Variants in ABLIM2 observed in about 807,000 individuals in gnomAD.
ABLIM2 encodes the protein actin binding LIM protein family member 2, also known as actin-binding LIM protein 2.
ABLIM2 carries 53 observed loss-of-function variants against 97.7 expected under a neutral mutation model. The observed-to-expected ratio is 0.54, with a 90% CI of 0.44 to 0.68. The LOEUF is 0.68. Among genes scored for constraint, ABLIM2 ranks in the 30% least tolerant of loss-of-function variants. The pLI, the probability that ABLIM2 is intolerant of heterozygous loss-of-function variation, is 0.00. For synonymous variants in ABLIM2, 361 were observed against 345.8 expected (o/e 1.04, Z -0.49); for missense variants, 835 against 867.2 (o/e 0.96, Z 0.47).
chr4:7,997,685 C>CCTG (rs1754258747), intron 16 of ABLIM2, among the ~76,000 whole-genome samples: 3 of 152,108 alleles, frequency 2.0e-5, no homozygotes. Flanking sequence ...GCCCGGGTCT[C>CCTG]CTGCTGCTGC....
In ABLIM2 at chr4:7,992,807, C is replaced by A; in HGVS notation, c.1680+59G>T. 6.4e-7 allele frequency: 1 copy of A among 1,564,406 alleles called. No individual in the cohort carries two copies. Among genetic ancestry groups the A allele is most frequent in the Non-Finnish European group, 8.7e-7 (1 of 1,143,782 alleles). ...TGTGTGGTCAAGAAGCTGTGGGAAA[C>A]GTGCTCAGCCTCACAGCAATCGTTA... On this transcript the variant is annotated intron_variant, in intron 17 of 20. Coordinates refer to ENST00000447017, the MANE Select transcript of ABLIM2 (RefSeq NM_001130083.2). The surrounding 1 kb of genome is among the most constrained non-coding windows in gnomAD (Gnocchi z 5.7).
In ABLIM2 at chr4:8,058,452, C is replaced by T. The variant is rs1800767744; in HGVS notation, c.763+2515G>A. 6.6e-6 allele frequency among the ~76,000 whole-genome samples: 1 copy of T among 152,252 alleles called. No homozygotes were observed. Among genetic ancestry groups the T allele is most frequent in the African/African-American group, 2.4e-5 (1 of 41,470 alleles). ...CCCGCAGGCACCTGCACGGCAGACG[C>T]TCTGACAGCAGCTCTCCCAGACCTG... is the stretch of plus-strand genomic sequence containing the variant. On this transcript the variant is annotated intron_variant, in intron 7 of 20. Transcript: ENST00000447017. This position sits in a 1 kb window ranked among gnomAD's most constrained non-coding sequence, Gnocchi z 4.2.
intron 1 of ABLIM2, among the ~76,000 whole-genome samples, chr4:8,152,116 C>T (rs951912378): frequency 6.6e-6 from 1 of 152,122 alleles, no homozygotes; most frequent in Non-Finnish European, 1.5e-5. Context: ...AGACCCTCAC[C>T]AAGAAGCGCC....
At chr4:7,987,862 C>T (rs1745641240) in intron 17 of ABLIM2, among the ~76,000 whole-genome samples, 1 of 152,148 alleles carries the variant, frequency 6.6e-6, no homozygotes, top group Non-Finnish European at 1.5e-5. Flanking sequence ...TCTTCAGTTA[C>T]TGCCTTTATG....
chr4:7,966,861 A>ACCCCCCCCCC lies in ABLIM2; in HGVS notation c.*128_*129insGGGGGGGGGG. 4.4e-6 allele frequency: 1 copy of ACCCCCCCCCC among 227,854 alleles called. No individual in the cohort carries two copies. Among genetic ancestry groups the ACCCCCCCCCC allele is most frequent in the Non-Finnish European group, 8.8e-6 (1 of 113,218 alleles). 14.1% of individuals were successfully genotyped at this position (227,854 alleles called of 1,614,324 possible). ...GTGCAGGGGCCGCACCTGCTGGGGG[A>ACCCCCCCCCC]CCCCCTCCCGCCCACCCCATGGACA... On this transcript the variant is annotated 3_prime_UTR_variant, in exon 21 of 21. Transcript: ENST00000447017.
In ABLIM2 at chr4:8,020,134, G is replaced by A; in HGVS notation, c.1369+68C>T. ...CTGAGTCAAGGCAAGCTGACAGTTT[G>A]GGTGTGGCCAGTTTCGGTGTGGACA... On this transcript the variant is annotated intron_variant, in intron 13 of 20. Transcript: ENST00000447017. 2.8e-6 allele frequency: 4 copies of A among 1,431,862 alleles called. No individual in the cohort carries two copies. In the South Asian group the frequency reaches 5.3e-5, roughly 19 times the overall value. The allele number at this position is 1,431,862 out of a possible 1,614,324, so 88.7% of individuals were successfully genotyped here. A position where few individuals can be genotyped will look rare whatever the true frequency, so the allele number is the denominator to read the frequency against.
chr4:8,016,539 G>A (rs1769366046), intron 14 of ABLIM2, among the ~76,000 whole-genome samples: 1 of 152,202 alleles, frequency 6.6e-6, no homozygotes, highest in Non-Finnish European at 1.5e-5. Flanking sequence ...CGATGTAGCT[G>A]GAAGCCAGGG....
In ABLIM2 at chr4:8,113,913, C is replaced by T. The variant is rs1054065109; in HGVS notation, c.11-7276G>A. ...GAGCAGAGCAATACAGAGAGGGGCA[C>T]AGGGCTGTGTGCAGGCACAGCAGGG... On this transcript the variant is annotated intron_variant, in intron 1 of 20. Coordinates refer to ENST00000447017, the MANE Select transcript of ABLIM2 (RefSeq NM_001130083.2). The surrounding 1 kb of genome is among the most constrained non-coding windows in gnomAD (Gnocchi z 4.5). Among the ~76,000 whole-genome samples, 3 of 152,204 alleles carry T rather than the reference C, an allele frequency of 2.0e-5. No individual in the cohort carries two copies. The highest frequency in any genetic ancestry group is 2.0e-4 in the Admixed American group (3 of 15,280).
At chr4:8,099,287 C>CAGTA (rs1008516381) in intron 2 of ABLIM2, among the ~76,000 whole-genome samples, 7 of 152,258 alleles carry the variant, frequency 4.6e-5, no homozygotes, top group African/African-American at 1.7e-4. Context: ...TGCCCCAAGA[C>CAGTA]AGTAGCTGGA....
At chr4:7,975,991 G>GCCCT (rs1473456481) in intron 20 of ABLIM2, among the ~76,000 whole-genome samples, 1 of 152,140 alleles carries the variant, frequency 6.6e-6, no homozygotes, top group Non-Finnish European at 1.5e-5. Flanking sequence ...AAGTCCCCAT[G>GCCCT]CCCTCACCTT....
chr4:8,058,901 C>G lies in ABLIM2; in HGVS notation c.763+2066G>C, dbSNP rs975310594. 5.9e-5 allele frequency among the ~76,000 whole-genome samples: 9 copies of G among 152,148 alleles called. No individual in the cohort carries two copies. The highest frequency in any genetic ancestry group is 1.3e-4 in the Admixed American group (2 of 15,280). Reference sequence around the variant, plus strand: ...GACGACTCAGTCCTTAGCCTGTCTTCGGCAACCATCTTGTGGGGTCAGTTC... The same window carrying G: ...GACGACTCAGTCCTTAGCCTGTCTTGGGCAACCATCTTGTGGGGTCAGTTC... On this transcript the variant is annotated intron_variant, in intron 7 of 20. Transcript: ENST00000447017. This position sits in a 1 kb window ranked among gnomAD's most constrained non-coding sequence, Gnocchi z 4.2.
chr4:8,099,838 C>T (rs1411189012), intron 2 of ABLIM2, among the ~76,000 whole-genome samples: 2 of 152,070 alleles, frequency 1.3e-5, no homozygotes. Context: ...GAGTGAGACT[C>T]CATCTCAAAA....
rs887720947 is a variant in ABLIM2, at chr4:8,061,744, T to G, written c.676-690A>C. 1.3e-5 allele frequency among the ~76,000 whole-genome samples: 2 copies of G among 151,924 alleles called. No homozygotes were observed. Among genetic ancestry groups the G allele is most frequent in the Admixed American group, 1.3e-4 (2 of 15,268 alleles). On this transcript the variant is annotated intron_variant, in intron 6 of 20. Transcript: ENST00000447017. This position sits in a 1 kb window ranked among gnomAD's most constrained non-coding sequence, Gnocchi z 4.5. ...CTGAGGGCACGGCGGGTGCAGCCTA[T>G]TGCTAAATGTGGATGCTAAATCCCC...
At position 8,058,936 on chromosome 4, in the gene ABLIM2, C is replaced by T. The variant is rs1801126263; in HGVS notation, c.763+2031G>A. Among the ~76,000 whole-genome samples, 1 of 152,128 alleles carries T rather than the reference C, an allele frequency of 6.6e-6. No homozygotes were observed. Among genetic ancestry groups the T allele is most frequent in the African/African-American group, 2.4e-5 (1 of 41,436 alleles). On this transcript the variant is annotated intron_variant, in intron 7 of 20. Transcript: ENST00000447017. This position sits in a 1 kb window ranked among gnomAD's most constrained non-coding sequence, Gnocchi z 4.2. Reference sequence around the variant, plus strand: ...CTTGTGGGGTCAGTTCAGCAAGAAGCCCAGTACCTCGAGCGACTTTCCACC... The same window carrying T: ...CTTGTGGGGTCAGTTCAGCAAGAAGTCCAGTACCTCGAGCGACTTTCCACC...
rs1234997033 is a variant in ABLIM2 at position 8,005,188 on chromosome 4, G to T, written c.1618+2871C>A. ...CGGCGGGCAGGCGGCGGCGGGATGCGTGTGCGCTCGCTCTGTCGGCGTCTC... is the reference window on the plus strand; with the variant it reads ...CGGCGGGCAGGCGGCGGCGGGATGCTTGTGCGCTCGCTCTGTCGGCGTCTC... On this transcript the variant is annotated intron_variant, in intron 16 of 20. Coordinates refer to ENST00000447017, the MANE Select transcript of ABLIM2 (RefSeq NM_001130083.2). The surrounding 1 kb of genome is among the most constrained non-coding windows in gnomAD (Gnocchi z 4.9). 2 of 410,032 alleles carry T rather than the reference G, an allele frequency of 4.9e-6. No homozygotes were observed. Among genetic ancestry groups the T allele is most frequent in the African/African-American group, 2.0e-5 (1 of 49,286 alleles). 25.4% of individuals were successfully genotyped at this position (410,032 alleles called of 1,614,324 possible).
Position 8,087,185 on chromosome 4 carries a change from C to A in ABLIM2, c.454+984G>T, listed in dbSNP as rs1477337074. Among the ~76,000 whole-genome samples, 1 of 152,184 alleles carries A rather than the reference C, an allele frequency of 6.6e-6. No homozygotes were observed. On this transcript the variant is annotated intron_variant, in intron 4 of 20. Transcript: ENST00000447017. This position sits in a 1 kb window ranked among gnomAD's most constrained non-coding sequence, Gnocchi z 4.6. ...CTCTGTCTGGGGACACCCCAGTGAC[C>A]ACGGTGCTCAGAGTGGGCTTCTGCA...
rs183393541 is a variant in ABLIM2, at chr4:8,148,995, G to A, written c.10+9685C>T. Among the ~76,000 whole-genome samples, 206 of 152,344 alleles carry A rather than the reference G, an allele frequency of 1.4e-3. No homozygotes were observed. The highest frequency in any genetic ancestry group is 4.9e-3 in the African/African-American group (205 of 41,586). On this transcript the variant is annotated intron_variant, in intron 1 of 20. Coordinates refer to ENST00000447017, the MANE Select transcript of ABLIM2 (RefSeq NM_001130083.2). The surrounding 1 kb of genome is among the most constrained non-coding windows in gnomAD (Gnocchi z 6.7). ...CCAGGGTCCCCAGACACTACGGAGA[G>A]TCAGGCCACGCTGAGATCTGGGGTC...
At chr4:8,006,207 AC>A (rs1275098478) in intron 16 of ABLIM2, among the ~76,000 whole-genome samples, 2 of 152,258 alleles carry the variant, frequency 1.3e-5, no homozygotes, top group African/African-American at 4.8e-5. Flanking sequence ...TGTGCAGGTC[AC>A]AGAGAGTATC....
rs1344109399 is a variant in ABLIM2 at position 8,120,581 on chromosome 4, C to T, written c.11-13944G>A. On this transcript the variant is annotated intron_variant, in intron 1 of 20. Transcript: ENST00000447017. This position sits in a 1 kb window ranked among gnomAD's most constrained non-coding sequence, Gnocchi z 5.6. ...TCAGAAGGAGCCAGCCCTGCCCGCA[C>T]CTTGATCTGGGACTTCTGGCCTCCA... Among the ~76,000 whole-genome samples, 1 of 152,278 alleles carries T rather than the reference C, an allele frequency of 6.6e-6. No homozygotes were observed. The highest frequency in any genetic ancestry group is 1.9e-4 in the East Asian group (1 of 5,178).
Sources: allele counts gnomAD v4.1 joint callset (sites outside exome capture counted in the v4.1 genomes callset), GRCh38; gene constraint gnomAD v4.1.1; non-coding constraint Gnocchi (gnomAD v3.1); transcripts MANE v1.5; gene names NCBI Gene and HGNC (gene_info 2026-07-23, HGNC 2026-07-21).